The following SYNE1 variants were observed in gnomAD, a reference collection of about 807,000 sequenced individuals.
SYNE1 encodes the protein nesprin-1.
In SYNE1, 616 loss-of-function variants were observed where a neutral mutation model predicts 1,111.0. The observed-to-expected ratio is 0.55, with a 90% CI of 0.52 to 0.59. SYNE1 has a LOEUF of 0.59. Ranked by LOEUF, SYNE1 falls within the 20% of genes least tolerant of loss-of-function variation. The probability of loss-of-function intolerance (pLI) is 0.00; values close to 1 mark genes in which losing one functional copy is unlikely to be tolerated. For missense variants in SYNE1, 10,006 were observed against 10,417.0 expected, an observed-to-expected ratio of 0.96 and a Z score of 1.72; for synonymous variants, 3,855 against 3,825.8, an observed-to-expected ratio of 1.01 and a Z score of -0.28.
Position 152,553,145 on chromosome 6 carries a change from CATGTA to C in SYNE1, c.68-13129_68-13125del, listed in dbSNP as rs2099353444. On this transcript the variant is annotated intron_variant, in intron 3 of 145. Coordinates refer to ENST00000367255, the MANE Select transcript of SYNE1 (RefSeq NM_182961.4). ...ATATCCTCCACCCTCACCAATTTTA[CATGTA>C]AAGAGACTGGAGCAAACGAGGTTCA... is the stretch of plus-strand genomic sequence containing the variant. Among the ~76,000 whole-genome samples the C allele has an allele frequency of 3.9e-5, 6 of 152,244 alleles. No homozygotes were observed. The South Asian group carries it at 1.2e-3, about 32-fold the overall frequency.
intron 34 of SYNE1, among the ~76,000 whole-genome samples, chr6:152,431,791 C>G (rs983688332): frequency 1.3e-5 from 2 of 152,132 alleles, no homozygotes; most frequent in African/African-American, 4.8e-5. Flanking sequence ...GTCGGATATG[C>G]ATCATTTTTA....
intron 4 of SYNE1, among the ~76,000 whole-genome samples, chr6:152,537,349 G>A (rs1443807611): frequency 1.3e-5 from 2 of 151,938 alleles, no homozygotes; most frequent in Non-Finnish European, 2.9e-5. Flanking sequence ...TAACATTTGT[G>A]TAGTAAAAAT....
chr6:152,363,293 G>A (rs527482980), intron 63 of SYNE1, among the ~76,000 whole-genome samples: 1 of 148,274 alleles, frequency 6.7e-6, no homozygotes, highest in African/African-American at 2.4e-5. Context: ...AGGAGATCAA[G>A]GCCATCCTGG....
chr6:152,427,448 A>T (rs1310491143), intron 38 of SYNE1, among the ~76,000 whole-genome samples: 1 of 152,088 alleles, frequency 6.6e-6, no homozygotes, highest in Non-Finnish European at 1.5e-5. Context: ...CGGGCATTAC[A>T]TTACAGGATT....
rs1173750334 is a variant in SYNE1 at position 152,359,360 on chromosome 6, G to A, written c.10398C>T (p.Leu3466=). ...MTEHYVTQLE[L]QDLQERYRAI... Reference sequence around the variant, plus strand: ...CTCTGTATCGTTCCTGTAGATCCTGGAGTTCTAGCTGGGTGACATAGTGTT... The same window carrying A: ...CTCTGTATCGTTCCTGTAGATCCTGAAGTTCTAGCTGGGTGACATAGTGTT... The change falls in exon 65 of 146, where the codon CTC becomes CTT. Residue 3466 remains leucine, a synonymous_variant. Transcript: ENST00000367255. The A allele has an allele frequency of 6.2e-7, 1 of 1,614,124 alleles. No homozygotes were observed. Among genetic ancestry groups the A allele is most frequent in the South Asian group, 1.1e-5 (1 of 91,078 alleles).
At chr6:152,370,388 A>G (rs769387237) in intron 59 of SYNE1, among the ~76,000 whole-genome samples, 17 of 152,152 alleles carry the variant, frequency 1.1e-4, no homozygotes, top group Non-Finnish European at 2.4e-4. Flanking sequence ...CATTTGGTTG[A>G]TTTTCATTAA....
chr6:152,251,481 G>A (rs1043948280), intron 104 of SYNE1, among the ~76,000 whole-genome samples: 2 of 152,050 alleles, frequency 1.3e-5, no homozygotes, highest in African/African-American at 2.4e-5. Flanking sequence ...AATGCAGGCC[G>A]GGCGCGGTGG....
intron 75 of SYNE1, 124 bp downstream of exon 75, chr6:152,339,117 C>G: frequency 3.2e-6 from 4 of 1,265,056 alleles, no homozygotes; most frequent in Non-Finnish European, 4.4e-6. Context: ...ATTATAATGG[C>G]TGTAGAACCA....
At chr6:152,228,531 TACTA>T (rs2082087684) in intron 115 of SYNE1, among the ~76,000 whole-genome samples, 1 of 151,644 alleles carries the variant, frequency 6.6e-6, no homozygotes, top group Non-Finnish European at 1.5e-5. Context: ...AAGAAAAAAA[TACTA>T]AGAGAGAGAA....
intron 126 of SYNE1, among the ~76,000 whole-genome samples, chr6:152,203,932 T>C (rs1298718081): frequency 1.3e-5 from 2 of 152,170 alleles, no homozygotes; most frequent in Non-Finnish European, 2.9e-5. Context: ...AGGGCTACAA[T>C]TAGCTTATCA....
At chr6:152,249,350 A>G in intron 104 of SYNE1, 88 bp from the exon 105 acceptor site, 1 of 814,910 alleles carries the variant, frequency 1.2e-6, no homozygotes, top group Non-Finnish European at 2.2e-6. Context: ...AAGAAATAAC[A>G]TAGAGGCACA....
intron 3 of SYNE1, among the ~76,000 whole-genome samples, chr6:152,591,480 C>A (rs1193743297): frequency 6.6e-6 from 1 of 152,118 alleles, no homozygotes; most frequent in Admixed American, 6.5e-5. Context: ...AAACAGGACC[C>A]CTACCTTTCA....
At chr6:152,541,488 C>A (rs1460381524) in intron 3 of SYNE1, among the ~76,000 whole-genome samples, 2 of 152,052 alleles carry the variant, frequency 1.3e-5, no homozygotes, top group East Asian at 1.9e-4. Context: ...GCGGCTCATG[C>A]CTGTAATCCC....
chr6:152,234,846 A>G lies in SYNE1; in HGVS notation c.20397-46T>C, dbSNP rs371260180. ...TCCATTAAGTAAACATTTCATCCCT[A>G]TCTTCTACTCACCTACGTTACTCAC... is the stretch of plus-strand genomic sequence containing the variant. On this transcript the variant is annotated intron_variant, in intron 110 of 145. Coordinates refer to ENST00000367255, the MANE Select transcript of SYNE1 (RefSeq NM_182961.4). 4.0e-5 allele frequency: 64 copies of G among 1,605,680 alleles called. No individual in the cohort carries two copies. In the African/African-American group the frequency reaches 7.1e-4, roughly 18 times the overall value.
At position 152,364,828 on chromosome 6, in the gene SYNE1, T is replaced by G. The variant is rs1335327129; in HGVS notation, c.10145+19A>C. 1.9e-6 allele frequency: 3 copies of G among 1,614,122 alleles called. No individual in the cohort carries two copies. Among genetic ancestry groups the G allele is most frequent in the Non-Finnish European group, 2.5e-6 (3 of 1,180,004 alleles). On this transcript the variant is annotated intron_variant, in intron 63 of 145. Coordinates refer to ENST00000367255, the MANE Select transcript of SYNE1 (RefSeq NM_182961.4). ...TTTTAGTAATAGCTTCCCCAGTGCT[T>G]GGCTGTAGTTTCCCTCACCTTTTAC...
intron 90 of SYNE1, among the ~76,000 whole-genome samples, chr6:152,309,412 G>C (rs1280223359): frequency 6.6e-6 from 1 of 152,070 alleles, no homozygotes; most frequent in Non-Finnish European, 1.5e-5. Context: ...AATTATACTT[G>C]AGTGCATTTT....
In SYNE1 at chr6:152,358,594, G is replaced by A. The variant is rs9478326; in HGVS notation, c.10444-57C>T. On this transcript the variant is annotated intron_variant, in intron 65 of 145. Coordinates refer to ENST00000367255, the MANE Select transcript of SYNE1 (RefSeq NM_182961.4). ...GAACACATTACTTTATAAAGCATCAGTGTGCTGTAATTCACTTTTGTAATT... is the reference window on the plus strand; with the variant it reads ...GAACACATTACTTTATAAAGCATCAATGTGCTGTAATTCACTTTTGTAATT... 247,036 of 1,569,796 alleles carry A rather than the reference G, an allele frequency of 0.16. 21,994 individuals carry two copies. Among genetic ancestry groups the A allele is most frequent in the African/African-American group, 0.31 (23,069 of 73,946 alleles).
chr6:152,599,220 A>G (rs2099590294), intron 3 of SYNE1, among the ~76,000 whole-genome samples: 1 of 152,252 alleles, frequency 6.6e-6, no homozygotes, highest in African/African-American at 2.4e-5. Flanking sequence ...GCCACTGGCT[A>G]ATAATGACTA....
At chr6:152,498,540 G>A (rs2099011712) in intron 11 of SYNE1, among the ~76,000 whole-genome samples, 1 of 152,120 alleles carries the variant, frequency 6.6e-6, no homozygotes, top group African/African-American at 2.4e-5. Flanking sequence ...GCAAGTCCAT[G>A]GGAGTAGCTT....
Sources: gnomAD v4.1 joint callset for allele counts (sites outside exome capture counted in the v4.1 genomes callset) on GRCh38, gnomAD v4.1.1 for gene constraint, MANE v1.5 for transcripts, NCBI Gene and HGNC (gene_info 2026-07-23, HGNC 2026-07-21) for gene names.